MYO3B: variants seen among roughly 807,000 people sequenced by gnomAD.
MYO3B encodes myosin-IIIb.
In MYO3B, 156 loss-of-function variants were observed where a neutral mutation model predicts 174.6. That is an observed-to-expected ratio of 0.89 (90% CI 0.78 to 1.02). The LOEUF is 1.02. Ranked by LOEUF, MYO3B falls within the 50% of genes least tolerant of loss-of-function variation. The pLI, the probability that MYO3B is intolerant of heterozygous loss-of-function variation, is 0.00. For synonymous variants in MYO3B, 563 were observed against 569.1 expected, an observed-to-expected ratio of 0.99 and a Z score of 0.15; for missense variants, 1,632 against 1,639.4, an observed-to-expected ratio of 1.00 and a Z score of 0.08.
chr2:170,237,699 G>C (rs1292244292), intron 7 of MYO3B, among the ~76,000 whole-genome samples: 1 of 152,172 alleles, frequency 6.6e-6, no homozygotes, highest in East Asian at 1.9e-4. Flanking sequence ...TGGAATACGA[G>C]TAACTAAGTC....
intron 15 of MYO3B, among the ~76,000 whole-genome samples, 171 bp downstream of exon 15, chr2:170,391,789 T>C (rs1422558333): frequency 1.3e-5 from 2 of 152,188 alleles, no homozygotes; most frequent in South Asian, 4.1e-4. Flanking sequence ...TCTAGAAAGT[T>C]CAAAAACTCA....
intron 32 of MYO3B, among the ~76,000 whole-genome samples, chr2:170,597,115 T>C (rs1310796639): frequency 6.6e-6 from 1 of 152,010 alleles, no homozygotes; most frequent in Non-Finnish European, 1.5e-5. Flanking sequence ...CCATGTTGTC[T>C]CTCTCCCACT....
At chr2:170,563,426 T>A (rs1014788731) in intron 32 of MYO3B, among the ~76,000 whole-genome samples, 3 of 152,068 alleles carry the variant, frequency 2.0e-5, no homozygotes, top group African/African-American at 7.2e-5. Flanking sequence ...TGACCTTCAG[T>A]TAAGGACACA....
chr2:170,188,002 A>G (rs1440657418), intron 1 of MYO3B, among the ~76,000 whole-genome samples: 4 of 152,164 alleles, frequency 2.6e-5, no homozygotes, highest in Non-Finnish European at 5.9e-5. Flanking sequence ...TAATGCAGAT[A>G]AAGTCCAATG....
At chr2:170,267,286 C>T (rs2093391380) in intron 7 of MYO3B, among the ~76,000 whole-genome samples, 1 of 152,148 alleles carries the variant, frequency 6.6e-6, no homozygotes, top group Admixed American at 6.6e-5. Context: ...ATTGGGTTGG[C>T]AGACACAGGT....
intron 7 of MYO3B, among the ~76,000 whole-genome samples, chr2:170,244,520 C>G (rs1219801348): frequency 6.6e-6 from 1 of 152,058 alleles, no homozygotes; most frequent in African/African-American, 2.4e-5. Flanking sequence ...GACTGCTGCC[C>G]CACTATCAGT....
chr2:170,466,856 T>C (rs1684672092), intron 25 of MYO3B, 145 bp downstream of exon 25: 1 of 823,502 alleles, frequency 1.2e-6, no homozygotes, highest in Non-Finnish European at 1.9e-6. Flanking sequence ...GCTTGAATGT[T>C]GCATTTTTAT....
chr2:170,275,794 G>T (rs2093460352), intron 7 of MYO3B, among the ~76,000 whole-genome samples: 1 of 151,884 alleles, frequency 6.6e-6, no homozygotes, highest in South Asian at 2.1e-4. Flanking sequence ...ATTCTGTGAA[G>T]GTAAAGGAAT....
intron 30 of MYO3B, among the ~76,000 whole-genome samples, chr2:170,536,095 TGAA>T (rs1689666251): frequency 1.3e-5 from 2 of 152,072 alleles, no homozygotes; most frequent in South Asian, 4.1e-4. Context: ...AGTAAAGTAG[TGAA>T]GGAGGGAAAA....
intron 8 of MYO3B, among the ~76,000 whole-genome samples, chr2:170,360,432 G>T (rs573071856): frequency 6.6e-6 from 1 of 152,230 alleles, no homozygotes; most frequent in Admixed American, 6.5e-5. Context: ...TTGCTGAATT[G>T]CCAGACCCCA....
At position 170,553,798 on chromosome 2, in the gene MYO3B, G is replaced by C. The variant is rs150396086; in HGVS notation, c.3733+9810G>C. Reference sequence around the variant, plus strand: ...AATTGTAATCCCCAGTGTTGGGAGAGAGACCTGGTGGGAGGTGATTGGATC... The same window carrying C: ...AATTGTAATCCCCAGTGTTGGGAGACAGACCTGGTGGGAGGTGATTGGATC... On this transcript the variant is annotated intron_variant, in intron 32 of 34. Coordinates refer to ENST00000408978, the MANE Select transcript of MYO3B (RefSeq NM_138995.5). 6.2e-3 allele frequency among the ~76,000 whole-genome samples: 949 copies of C among 152,330 alleles called. 11 individuals are homozygous for C. The highest frequency in any genetic ancestry group is 0.02 in the African/African-American group (830 of 41,576).
At chr2:170,278,035 C>G (rs2093476259) in intron 7 of MYO3B, among the ~76,000 whole-genome samples, 1 of 152,088 alleles carries the variant, frequency 6.6e-6, no homozygotes, top group Non-Finnish European at 1.5e-5. Flanking sequence ...TTCAAAATCC[C>G]TGAGAGACTG....
In MYO3B at chr2:170,214,829, G is replaced by A; in HGVS notation, c.526+1G>A. ...GGAGGAGTTAAGCTCGTTGACTTTGGTAATGACTGCTTGTCGTTTGTTTTC... is the reference window on the plus strand; with the variant it reads ...GGAGGAGTTAAGCTCGTTGACTTTGATAATGACTGCTTGTCGTTTGTTTTC... On this transcript the variant is annotated splice_donor_variant, in intron 5 of 34. Transcript: ENST00000408978. LOFTEE classifies it high-confidence loss of function. The A allele has an allele frequency of 1.9e-6, 3 of 1,609,592 alleles. No individual in the cohort carries two copies. The highest frequency in any genetic ancestry group is 2.6e-6 in the Non-Finnish European group (3 of 1,175,944).
chr2:170,510,059 G>A (rs546364734), intron 28 of MYO3B, among the ~76,000 whole-genome samples: 6 of 152,300 alleles, frequency 3.9e-5, no homozygotes, highest in South Asian at 4.1e-4. Context: ...AGCCATTCTC[G>A]TCAATAAAGT....
At chr2:170,483,375 C>CTTTTTTTTTTTTTTTTTT (rs61527598) in intron 25 of MYO3B, among the ~76,000 whole-genome samples, 4 of 62,102 alleles carry the variant, frequency 6.4e-5, no homozygotes, top group East Asian at 4.2e-4. Flanking sequence ...CTTGGGGATT[C>CTTTTTTTTTTTTTTTTTT]TTTTTTTTTT....
chr2:170,530,093 C>T (rs1380562246), intron 30 of MYO3B, among the ~76,000 whole-genome samples: 2 of 152,202 alleles, frequency 1.3e-5, no homozygotes, highest in Admixed American at 6.5e-5. Context: ...AATGCCACAA[C>T]ATCTCCGTGT....
intron 31 of MYO3B, 98 bp downstream of exon 31, chr2:170,543,064 C>A: frequency 2.1e-6 from 2 of 951,564 alleles, no homozygotes; most frequent in Non-Finnish European, 3.2e-6. Flanking sequence ...CGTGGTTGGA[C>A]CATCCAAACT....
chr2:170,447,803 G>T (rs1401036735), intron 23 of MYO3B, among the ~76,000 whole-genome samples: 2 of 152,212 alleles, frequency 1.3e-5, no homozygotes, highest in African/African-American at 4.8e-5. Context: ...AGTTTTGAAG[G>T]ATACTTTGGT....
chr2:170,425,817 C>T lies in MYO3B; in HGVS notation c.2650+17973C>T, dbSNP rs1049832674. On this transcript the variant is annotated intron_variant, in intron 22 of 34. Transcript: ENST00000408978. ...GGAGCATCTTGATAGGTTCTCTGAG[C>T]GTTACTACTTAGTGCTATGACCTTG... Among the ~76,000 whole-genome samples the T allele has an allele frequency of 3.3e-5, 5 of 152,288 alleles. No individual in the cohort carries two copies. In the South Asian group the frequency reaches 8.3e-4, roughly 25 times the overall value.
Sources: allele counts gnomAD v4.1 joint callset (sites outside exome capture counted in the v4.1 genomes callset), GRCh38; gene constraint gnomAD v4.1.1; transcripts MANE v1.5; gene names NCBI Gene and HGNC (gene_info 2026-07-23, HGNC 2026-07-21).